The following RBFOX3 variants were observed in gnomAD, a reference collection of about 807,000 sequenced individuals.
RBFOX3 encodes RNA binding fox-1 homolog 3.
Under a neutral mutation model 48.7 loss-of-function variants are expected in RBFOX3, and 17 were observed. That is an observed-to-expected ratio of 0.35 (90% CI 0.24 to 0.52). The LOEUF is 0.52. Ranked by LOEUF, RBFOX3 falls within the 20% of genes least tolerant of loss-of-function variation. RBFOX3 has a pLI of 0.94. For synonymous variants in RBFOX3, 212 were observed against 209.5 expected, an observed-to-expected ratio of 1.01 and a Z score of -0.10; for missense variants, 382 against 497.5, an observed-to-expected ratio of 0.77 and a Z score of 2.21.
chr17:79,175,671 G>C (rs563924548), intron 4 of RBFOX3, among the ~76,000 whole-genome samples: 1 of 152,358 alleles, frequency 6.6e-6, no homozygotes, highest in East Asian at 1.9e-4. Flanking sequence ...TCAGATGCTT[G>C]AAGCTGACTC....
intron 1 of RBFOX3, chr17:79,601,089 G>A (rs1399997974): frequency 6.6e-6 from 1 of 152,316 alleles, no homozygotes; most frequent in African/African-American, 2.4e-5. Flanking sequence ...GAATGCCTCA[G>A]CCCGACTGCA....
At chr17:79,340,836 G>A (rs1007378035) in intron 2 of RBFOX3, among the ~76,000 whole-genome samples, 2 of 152,238 alleles carry the variant, frequency 1.3e-5, no homozygotes, top group East Asian at 1.9e-4. Context: ...AGAGGGCTGG[G>A]AAAGGGTGTA....
intron 4 of RBFOX3, among the ~76,000 whole-genome samples, chr17:79,164,808 G>C (rs925026636): frequency 2.0e-5 from 3 of 152,152 alleles, no homozygotes; most frequent in African/African-American, 7.2e-5. Flanking sequence ...CGGGCTGGGA[G>C]GGCCAGGGGG....
chr17:79,390,304 G>C lies in RBFOX3; in HGVS notation c.-174-82480C>G, dbSNP rs191069998. 6.6e-6 allele frequency among the ~76,000 whole-genome samples: 1 copy of C among 152,198 alleles called. No individual in the cohort carries two copies. Among genetic ancestry groups the C allele is most frequent in the Non-Finnish European group, 1.5e-5 (1 of 68,032 alleles). ...CTGGCAGACACCAGCATCCCGGGGG[G>C]ACTTCTTAGACTCCACTCTGAGTTT... is the stretch of plus-strand genomic sequence containing the variant. On this transcript the variant is annotated intron_variant, in intron 2 of 14. Coordinates refer to ENST00000693108, the MANE Select transcript of RBFOX3 (RefSeq NM_001350451.2). The surrounding 1 kb of genome is among the most constrained non-coding windows in gnomAD (Gnocchi z 4.2).
In RBFOX3 at chr17:79,220,201, C is replaced by A. The variant is rs1009657889; in HGVS notation, c.-34+15565G>T. Among the ~76,000 whole-genome samples the A allele has an allele frequency of 1.3e-5, 2 of 152,166 alleles. No homozygotes were observed. The highest frequency in any genetic ancestry group is 2.4e-5 in the African/African-American group (1 of 41,448). Reference sequence around the variant, plus strand: ...CATACCCAAAAATACATCATCATTTCGGAACCGCGGCTCCACAGCAGGCTC... The same window carrying A: ...CATACCCAAAAATACATCATCATTTAGGAACCGCGGCTCCACAGCAGGCTC... On this transcript the variant is annotated intron_variant, in intron 4 of 14. Coordinates refer to ENST00000693108, the MANE Select transcript of RBFOX3 (RefSeq NM_001350451.2). The surrounding 1 kb of genome is among the most constrained non-coding windows in gnomAD (Gnocchi z 5.9).
intron 4 of RBFOX3, among the ~76,000 whole-genome samples, chr17:79,200,827 A>C (rs1255093143): frequency 1.3e-5 from 2 of 152,100 alleles, no homozygotes; most frequent in Non-Finnish European, 2.9e-5. Flanking sequence ...TGTAGTGACA[A>C]GTCCCCTCCT....
At chr17:79,156,701 T>G (rs945214487) in intron 4 of RBFOX3, among the ~76,000 whole-genome samples, 4 of 152,062 alleles carry the variant, frequency 2.6e-5, no homozygotes, top group African/African-American at 7.2e-5. Flanking sequence ...CACTGAGGAG[T>G]TGCAGCAGAG....
chr17:79,118,975 CAAA>C (rs767042086), intron 4 of RBFOX3, among the ~76,000 whole-genome samples: 8 of 75,750 alleles, frequency 1.1e-4, no homozygotes, highest in Non-Finnish European at 1.5e-4. Context: ...ACCCCTGTCT[CAAA>C]AAAAAAAAAA....
the RBFOX3 span, among the ~76,000 whole-genome samples, chr17:79,634,226 A>G: frequency 6.6e-5 from 10 of 152,214 alleles, no homozygotes; most frequent in African/African-American, 2.2e-4. Flanking sequence ...TAAGAACTGC[A>G]GATCCATCTG....
At chr17:79,261,882 T>C (rs1036547608) in intron 3 of RBFOX3, among the ~76,000 whole-genome samples, 12 of 152,142 alleles carry the variant, frequency 7.9e-5, no homozygotes, top group Non-Finnish European at 1.5e-4. Context: ...GGACTTCAGG[T>C]GCTCACGGCC....
chr17:79,420,380 C>G (rs1317923868), intron 2 of RBFOX3, among the ~76,000 whole-genome samples: 1 of 152,154 alleles, frequency 6.6e-6, no homozygotes, highest in Admixed American at 6.5e-5. Context: ...TCAGGGACTC[C>G]CAATTAGAAC....
At chr17:79,113,564 T>C (rs1303585699) in intron 5 of RBFOX3, among the ~76,000 whole-genome samples, 1 of 152,162 alleles carries the variant, frequency 6.6e-6, no homozygotes, top group Non-Finnish European at 1.5e-5. Flanking sequence ...GCTTCCCACC[T>C]GGACACGCTT....
chr17:79,282,597 G>A lies in RBFOX3; in HGVS notation c.-74+25127C>T, dbSNP rs562280914. On this transcript the variant is annotated intron_variant, in intron 3 of 14. Transcript: ENST00000693108. ...GGGTGGGCAGGGAGGGTCACTGCAC[G>A]GGGATGTGGCTGCAGGGCCGGCCGC... is the stretch of plus-strand genomic sequence containing the variant. Among the ~76,000 whole-genome samples the A allele has an allele frequency of 9.8e-5, 15 of 152,316 alleles. No homozygotes were observed. The South Asian group carries it at 1.9e-3, about 19-fold the overall frequency.
intron 2 of RBFOX3, among the ~76,000 whole-genome samples, chr17:79,374,222 G>A (rs1284086768): frequency 6.6e-6 from 1 of 152,208 alleles, no homozygotes; most frequent in Non-Finnish European, 1.5e-5. Flanking sequence ...GCAGATTCCA[G>A]GGAGAGGAGG....
At chr17:79,561,446 A>C (rs1325478644) in intron 1 of RBFOX3, among the ~76,000 whole-genome samples, 2 of 152,182 alleles carry the variant, frequency 1.3e-5, no homozygotes, top group African/African-American at 4.8e-5. Context: ...CCACCACTGC[A>C]GATTCAGATG....
At chr17:79,269,854 C>T (rs1234752739) in intron 3 of RBFOX3, among the ~76,000 whole-genome samples, 1 of 152,162 alleles carries the variant, frequency 6.6e-6, no homozygotes, top group East Asian at 1.9e-4. Context: ...CACCACTGCC[C>T]TCATCCACCT....
At chr17:79,278,010 T>C (rs2069322523) in intron 3 of RBFOX3, among the ~76,000 whole-genome samples, 1 of 152,090 alleles carries the variant, frequency 6.6e-6, no homozygotes. Flanking sequence ...GACTTCTGTG[T>C]GATATGAGGA....
chr17:79,353,303 T>A (rs1275435645), intron 2 of RBFOX3, among the ~76,000 whole-genome samples: 1 of 152,116 alleles, frequency 6.6e-6, no homozygotes, highest in South Asian at 2.1e-4. Context: ...CTCTCCTCCA[T>A]GGGGTGGGAT....
At chr17:79,367,985 C>T (rs1226283994) in intron 2 of RBFOX3, among the ~76,000 whole-genome samples, 1 of 152,172 alleles carries the variant, frequency 6.6e-6, no homozygotes, top group African/African-American at 2.4e-5. Context: ...AAACAACAAC[C>T]GAGGGTCAGG....
Sources: gnomAD v4.1 joint callset for allele counts (sites outside exome capture counted in the v4.1 genomes callset) on GRCh38, gnomAD v4.1.1 for gene constraint, Gnocchi (gnomAD v3.1) non-coding constraint, MANE v1.5 for transcripts, NCBI Gene and HGNC (gene_info 2026-07-23, HGNC 2026-07-21) for gene names.